ARPP19: variants seen among roughly 807,000 people sequenced by gnomAD.
ARPP19 encodes cAMP regulated phosphoprotein 19, also known as cAMP-regulated phosphoprotein 19.
A neutral mutation model predicts 12.0 loss-of-function variants in ARPP19; 8 were observed. The observed-to-expected ratio is 0.67, with a 90% CI of 0.39 to 1.21. The LOEUF is 1.21. ARPP19 is among the 50% of genes most tolerant of loss of function. The probability of loss-of-function intolerance (pLI) is 0.01; values close to 1 mark genes in which losing one functional copy is unlikely to be tolerated. For missense variants in ARPP19, 102 were observed against 136.3 expected, an observed-to-expected ratio of 0.75 and a Z score of 1.25; for synonymous variants, 47 against 50.4, an observed-to-expected ratio of 0.93 and a Z score of 0.29.
intron 1 of ARPP19, among the ~76,000 whole-genome samples, chr15:52,561,930 CCTA>C (rs1250392585): frequency 2.7e-5 from 4 of 146,358 alleles, no homozygotes; most frequent in Non-Finnish European, 5.9e-5. Context: ...GTGCAGTGCA[CCTA>C]CTTTTTTTTT....
rs1234048753 is a variant in ARPP19, at chr15:52,547,478, T to C, written c.*4456A>G. On this transcript the variant is annotated 3_prime_UTR_variant, in exon 3 of 3. Transcript: ENST00000249822. ...ATCCAAGGGCATAATATTAAATATG[T>C]TTTTTTCCAACTGCGATTTAGTTGA... 2 of 152,190 alleles carry C rather than the reference T, an allele frequency of 1.3e-5. No homozygotes were observed. Among genetic ancestry groups the C allele is most frequent in the Non-Finnish European group, 2.9e-5 (2 of 68,032 alleles). The allele number at this position is 152,190 out of a possible 1,614,324, so 9.4% of individuals were successfully genotyped here.
intron 1 of ARPP19, among the ~76,000 whole-genome samples, chr15:52,567,607 G>A (rs1325878482): frequency 6.6e-6 from 1 of 152,098 alleles, no homozygotes; most frequent in South Asian, 2.1e-4. Flanking sequence ...TTGTATTTTT[G>A]CCCCCAAAAT....
At chr15:52,568,803 AC>A (rs2078111900) in intron 1 of ARPP19, 44 bp downstream of exon 1, 1 of 1,475,180 alleles carries the variant, frequency 6.8e-7, no homozygotes, top group African/African-American at 1.5e-5. Flanking sequence ...CGCCCGCCAG[AC>A]CCGGCCTTGG....
chr15:52,553,936 G>A (rs931789645), intron 2 of ARPP19, among the ~76,000 whole-genome samples: 5 of 152,178 alleles, frequency 3.3e-5, no homozygotes, highest in South Asian at 4.1e-4. Context: ...TGTACCATAC[G>A]GAACAGTAAC....
chr15:52,557,895 GA>G (rs1361383354), intron 1 of ARPP19, among the ~76,000 whole-genome samples: 1 of 152,028 alleles, frequency 6.6e-6, no homozygotes, highest in Non-Finnish European at 1.5e-5. Context: ...TATTTTTAAA[GA>G]AGAGAAACAT....
At position 52,549,019 on chromosome 15, in the gene ARPP19, A is replaced by T. The variant is rs1358043853; in HGVS notation, c.*2915T>A. The T allele has an allele frequency of 6.6e-6, 1 of 152,486 alleles. No individual in the cohort carries two copies. Among genetic ancestry groups the T allele is most frequent in the Non-Finnish European group, 1.5e-5 (1 of 68,042 alleles). 9.4% of individuals were successfully genotyped at this position (152,486 alleles called of 1,614,324 possible). ...ACATGCCGCTTCCACTCATCGAAAC[A>T]AGCCAATAATCCTTACTATTCCAAC... is the stretch of plus-strand genomic sequence containing the variant. On this transcript the variant is annotated 3_prime_UTR_variant, in exon 3 of 3. Coordinates refer to ENST00000249822, the MANE Select transcript of ARPP19 (RefSeq NM_006628.6).
intron 2 of ARPP19, among the ~76,000 whole-genome samples, chr15:52,552,614 C>A (rs1483785628): frequency 6.8e-6 from 1 of 146,418 alleles, no homozygotes; most frequent in Non-Finnish European, 1.5e-5. Flanking sequence ...AAAAAAGAAC[C>A]TGCCTTCAGG....
chr15:52,568,740 A>T, intron 1 of ARPP19, 108 bp downstream of exon 1: 1 of 702,022 alleles, frequency 1.4e-6, no homozygotes, highest in Non-Finnish European at 2.2e-6. Flanking sequence ...CCTCGGCCTC[A>T]TGCGCCTCGG....
At chr15:52,556,200 TAAGC>T (rs939122399) in intron 2 of ARPP19, among the ~76,000 whole-genome samples, 1 of 152,240 alleles carries the variant, frequency 6.6e-6, no homozygotes, top group African/African-American at 2.4e-5. Flanking sequence ...AGACGTGTTT[TAAGC>T]AAGGAGCCGA....
At chr15:52,562,865 GTTTTTTTT>G (rs10709933) in intron 1 of ARPP19, among the ~76,000 whole-genome samples, 6 of 92,926 alleles carry the variant, frequency 6.5e-5, no homozygotes, top group African/African-American at 2.5e-4. Flanking sequence ...AGCTTAAGAA[GTTTTTTTT>G]TTTTTTTTTT....
chr15:52,558,889 C>T (rs921443003), intron 1 of ARPP19, among the ~76,000 whole-genome samples: 32 of 152,144 alleles, frequency 2.1e-4, no homozygotes, highest in African/African-American at 7.7e-4. Context: ...TCTTGAACTC[C>T]TGGCCTCAAA....
At chr15:52,562,938 G>A (rs1443060438) in intron 1 of ARPP19, among the ~76,000 whole-genome samples, 2 of 147,874 alleles carry the variant, frequency 1.4e-5, no homozygotes, top group Non-Finnish European at 3.0e-5. Context: ...CACGATCTCG[G>A]CTCACTGCAA....
intron 1 of ARPP19, chr15:52,564,129 G>A: frequency 8.2e-7 from 1 of 1,214,156 alleles, no homozygotes; most frequent in Non-Finnish European, 1.2e-6. Flanking sequence ...CTAACAAACT[G>A]TTGTATCGCA....
Position 52,565,651 on chromosome 15 carries a change from T to C in ARPP19, c.45+3197A>G, listed in dbSNP as rs80310856. Reference sequence around the variant, plus strand: ...TGTATCTATGACTCTGGAAACTTAGTGACCTCATAGTTTACTCTTAAAAGG... The same window carrying C: ...TGTATCTATGACTCTGGAAACTTAGCGACCTCATAGTTTACTCTTAAAAGG... On this transcript the variant is annotated intron_variant, in intron 1 of 2. Coordinates refer to ENST00000249822, the MANE Select transcript of ARPP19 (RefSeq NM_006628.6). 1.8e-3 allele frequency among the ~76,000 whole-genome samples: 271 copies of C among 152,316 alleles called. 3 individuals are homozygous for C. The East Asian group carries it at 0.034, about 19-fold the overall frequency.
Position 52,549,128 on chromosome 15 carries a change from T to C in ARPP19, c.*2806A>G, listed in dbSNP as rs2141714712. 6.6e-6 allele frequency: 1 copy of C among 152,364 alleles called. No individual in the cohort carries two copies. The highest frequency in any genetic ancestry group is 2.1e-4 in the South Asian group (1 of 4,826). 9.4% of individuals were successfully genotyped at this position (152,364 alleles called of 1,614,324 possible). ...TATCAAATGTAGTAGCTATTGGACA[T>C]AAAACAAGTAATTTATTTCAGACTT... On this transcript the variant is annotated 3_prime_UTR_variant, in exon 3 of 3. Transcript: ENST00000249822.
chr15:52,552,269 G>A lies in ARPP19; in HGVS notation c.169-165C>T, dbSNP rs1595860494. On this transcript the variant is annotated intron_variant, in intron 2 of 2. Coordinates refer to ENST00000249822, the MANE Select transcript of ARPP19 (RefSeq NM_006628.6). ...TACTGAGTTCCAGCATAAGTCAACA[G>A]CCGAGAAGCCCCCCTTCAGACTGGG... 3.3e-5 allele frequency among the ~76,000 whole-genome samples: 5 copies of A among 152,144 alleles called. No homozygotes were observed. In the Middle Eastern group the frequency reaches 0.014, roughly 414 times the overall value.
intron 1 of ARPP19, among the ~76,000 whole-genome samples, chr15:52,565,538 A>C (rs1436209701): frequency 6.6e-6 from 1 of 152,226 alleles, no homozygotes; most frequent in Non-Finnish European, 1.5e-5. Flanking sequence ...TGGGTTCTGC[A>C]TCTGAGCTTT....
rs2077933616 is a variant in ARPP19, at chr15:52,551,758, TTAAAC to T, written c.*171_*175del. Reference sequence around the variant, plus strand: ...ACATGTCCTCTTCACCAGTGCACTGTTAAACTAATCAAAAACTCTACACACGTATA... The same window carrying T: ...ACATGTCCTCTTCACCAGTGCACTGTTAATCAAAAACTCTACACACGTATA... On this transcript the variant is annotated 3_prime_UTR_variant, in exon 3 of 3. Transcript: ENST00000249822. The T allele has an allele frequency of 3.4e-6, 2 of 593,818 alleles. No homozygotes were observed. Among genetic ancestry groups the T allele is most frequent in the Non-Finnish European group, 3.0e-6 (1 of 334,998 alleles). 36.8% of individuals were successfully genotyped at this position (593,818 alleles called of 1,614,324 possible).
At chr15:52,559,859 A>G (rs1353318214) in intron 1 of ARPP19, among the ~76,000 whole-genome samples, 1 of 152,196 alleles carries the variant, frequency 6.6e-6, no homozygotes, top group Non-Finnish European at 1.5e-5. Flanking sequence ...CTGGCTTCAA[A>G]TAATTTTGGC....
Sources: allele counts gnomAD v4.1 joint callset (sites outside exome capture counted in the v4.1 genomes callset), GRCh38; gene constraint gnomAD v4.1.1; transcripts MANE v1.5; gene names NCBI Gene and HGNC (gene_info 2026-07-23, HGNC 2026-07-21).